Variants in CAMK4 observed in about 807,000 individuals in gnomAD.
CAMK4 encodes calcium/calmodulin dependent protein kinase IV.
A neutral mutation model predicts 44.9 loss-of-function variants in CAMK4; 22 were observed. The observed-to-expected ratio is 0.49, with a 90% CI of 0.35 to 0.70. The LOEUF (loss-of-function observed/expected upper bound fraction) is 0.70, where lower values mean the gene tolerates loss of function less well. Among genes scored for constraint, CAMK4 ranks in the 30% least tolerant of loss-of-function variants. CAMK4 has a pLI of 0.01. For synonymous variants in CAMK4, 218 were observed against 215.4 expected, an observed-to-expected ratio of 1.01 and a Z score of -0.11; for missense variants, 498 against 586.8, an observed-to-expected ratio of 0.85 and a Z score of 1.56.
intron 5 of CAMK4, among the ~76,000 whole-genome samples, chr5:111,401,781 T>G (rs1752237800): frequency 6.6e-6 from 1 of 152,172 alleles, no homozygotes; most frequent in Non-Finnish European, 1.5e-5. Flanking sequence ...CAGCTACCCC[T>G]AGGACTGGGG....
intron 2 of CAMK4, among the ~76,000 whole-genome samples, chr5:111,352,581 C>T (rs551356250): frequency 6.9e-6 from 1 of 145,466 alleles, no homozygotes; most frequent in Admixed American, 7.0e-5. Flanking sequence ...AGTCCAAAAT[C>T]AAGGGGCCAG....
At position 111,224,409 on chromosome 5, in the gene CAMK4, G is replaced by C; in HGVS notation, c.-75G>C. On this transcript the variant is annotated 5_prime_UTR_variant, in exon 1 of 11. Coordinates refer to ENST00000282356, the MANE Select transcript of CAMK4 (RefSeq NM_001744.6). The surrounding 1 kb of genome is among the most constrained non-coding windows in gnomAD (Gnocchi z 5.7). The stretch of plus-strand genomic sequence containing the variant: ...CTCTCTCGCTCCTGCGTTCGCAGGC[G>C]GCGGCTGGCGGCCGGCTTCTCGCTC... 2 of 1,482,442 alleles carry C rather than the reference G, an allele frequency of 1.3e-6. No individual in the cohort carries two copies. Among genetic ancestry groups the C allele is most frequent in the Non-Finnish European group, 1.8e-6 (2 of 1,121,052 alleles). The allele number at this position is 1,482,442 out of a possible 1,614,324, so 91.8% of individuals were successfully genotyped here.
At chr5:111,458,879 A>T (rs545572679) in intron 7 of CAMK4, among the ~76,000 whole-genome samples, 16 of 152,156 alleles carry the variant, frequency 1.1e-4, no homozygotes, top group African/African-American at 3.9e-4. Context: ...GAATGCAGTG[A>T]CAAGGGCAGA....
intron 1 of CAMK4, among the ~76,000 whole-genome samples, chr5:111,267,675 G>A (rs1233720264): frequency 7.9e-6 from 1 of 127,134 alleles, no homozygotes; most frequent in Admixed American, 1.0e-4. Flanking sequence ...CAGCACTCCC[G>A]CCTGGGCGAC....
chr5:111,486,704 T>TTGGCCC lies in CAMK4; in HGVS notation c.*2241_*2246dup, dbSNP rs755824322. On this transcript the variant is annotated 3_prime_UTR_variant, in exon 11 of 11. Transcript: ENST00000282356. The stretch of plus-strand genomic sequence containing the variant: ...ACTAGAGTAGGGCGGACTGCATTGT[T>TTGGCCC]TGGCCCTGAGAACTATAGAAACAAC... 4 of 152,162 alleles carry TTGGCCC rather than the reference T, an allele frequency of 2.6e-5. No individual in the cohort carries two copies. The highest frequency in any genetic ancestry group is 4.8e-5 in the African/African-American group (2 of 41,420). 9.4% of individuals were successfully genotyped at this position (152,162 alleles called of 1,614,324 possible).
intron 1 of CAMK4, among the ~76,000 whole-genome samples, chr5:111,265,180 A>G (rs1316441683): frequency 6.6e-6 from 1 of 152,188 alleles, no homozygotes; most frequent in Non-Finnish European, 1.5e-5. Flanking sequence ...CAAGCACCAA[A>G]ACACCCCCTG....
chr5:111,470,954 C>CA (rs955370308), intron 7 of CAMK4, among the ~76,000 whole-genome samples: 17 of 152,116 alleles, frequency 1.1e-4, no homozygotes, highest in African/African-American at 4.1e-4. Context: ...CTTGAGCATC[C>CA]AAAAAAACCA....
At chr5:111,353,673 G>T (rs1750206955) in intron 2 of CAMK4, among the ~76,000 whole-genome samples, 1 of 151,684 alleles carries the variant, frequency 6.6e-6, no homozygotes, top group Admixed American at 6.6e-5. Flanking sequence ...ATATAAATGA[G>T]GTACAAAAAT....
intron 1 of CAMK4, among the ~76,000 whole-genome samples, chr5:111,251,011 G>T (rs1278554921): frequency 6.6e-6 from 1 of 152,148 alleles, no homozygotes; most frequent in Non-Finnish European, 1.5e-5. Context: ...CAGCCCAACA[G>T]CTGCCTTGGC....
At chr5:111,359,650 C>G (rs1750512862) in intron 2 of CAMK4, among the ~76,000 whole-genome samples, 1 of 152,046 alleles carries the variant, frequency 6.6e-6, no homozygotes, top group Non-Finnish European at 1.5e-5. Flanking sequence ...ATCATGAATT[C>G]CTTGCCAATT....
chr5:111,291,346 G>A (rs977171788), intron 1 of CAMK4, among the ~76,000 whole-genome samples: 1 of 152,070 alleles, frequency 6.6e-6, no homozygotes, highest in African/African-American at 2.4e-5. Flanking sequence ...ATAAATGTCT[G>A]TTGATTTTCT....
intron 1 of CAMK4, among the ~76,000 whole-genome samples, chr5:111,226,811 C>G (rs1330748108): frequency 6.6e-6 from 1 of 152,224 alleles, no homozygotes; most frequent in Non-Finnish European, 1.5e-5. Context: ...ATGTATAGTT[C>G]AGGAAAAGAT....
At chr5:111,287,041 T>A (rs373001363) in intron 1 of CAMK4, among the ~76,000 whole-genome samples, 8 of 152,338 alleles carry the variant, frequency 5.3e-5, no homozygotes, top group African/African-American at 1.9e-4. Context: ...TTCCATCACC[T>A]CTTTGTTAAA....
chr5:111,406,377 C>A (rs1373660875), intron 5 of CAMK4, among the ~76,000 whole-genome samples: 1 of 151,974 alleles, frequency 6.6e-6, no homozygotes, highest in Non-Finnish European at 1.5e-5. Context: ...GTGCCCGCCA[C>A]CATGCCTGGC....
At chr5:111,310,514 A>G (rs777665156) in intron 1 of CAMK4, among the ~76,000 whole-genome samples, 2 of 152,194 alleles carry the variant, frequency 1.3e-5, no homozygotes, top group African/African-American at 2.4e-5. Context: ...GAAAGGTTTT[A>G]AAAAGAAGAT....
intron 7 of CAMK4, among the ~76,000 whole-genome samples, chr5:111,460,308 C>G (rs1224079327): frequency 2.1e-5 from 3 of 146,018 alleles, no homozygotes; most frequent in African/African-American, 2.5e-5. Flanking sequence ...CACTCATTCC[C>G]CCATGCTGGA....
At chr5:111,242,746 A>G (rs1247140456) in intron 1 of CAMK4, among the ~76,000 whole-genome samples, 2 of 151,772 alleles carry the variant, frequency 1.3e-5, no homozygotes, top group Non-Finnish European at 2.9e-5. Context: ...CCCTACAGCT[A>G]TTTTTCCTCA....
chr5:111,481,442 C>T (rs183184674), intron 9 of CAMK4, among the ~76,000 whole-genome samples: 37 of 152,264 alleles, frequency 2.4e-4, no homozygotes, highest in Non-Finnish European at 4.6e-4. Context: ...CATGTCTCTG[C>T]CCACTACAAA....
chr5:111,346,135 G>A (rs1470246322), intron 2 of CAMK4, among the ~76,000 whole-genome samples: 2 of 151,826 alleles, frequency 1.3e-5, no homozygotes, highest in Non-Finnish European at 2.9e-5. Flanking sequence ...TATAGGTCAC[G>A]GAGACTGAAA....
Sources: allele counts gnomAD v4.1 joint callset (sites outside exome capture counted in the v4.1 genomes callset), GRCh38; gene constraint gnomAD v4.1.1; non-coding constraint Gnocchi (gnomAD v3.1); transcripts MANE v1.5; gene names NCBI Gene and HGNC (gene_info 2026-07-23, HGNC 2026-07-21).